The following RBMS3 variants were observed in gnomAD, a reference collection of about 807,000 sequenced individuals.
The protein encoded by RBMS3 is RNA binding motif single stranded interacting protein 3.
Under a neutral mutation model 66.8 loss-of-function variants are expected in RBMS3, and 27 were observed. The ratio of observed to expected loss-of-function variants is 0.40; its 90% confidence interval spans 0.30 to 0.56. RBMS3 has a LOEUF of 0.56. Ranked by LOEUF, RBMS3 falls within the 20% of genes least tolerant of loss-of-function variation. RBMS3 has a pLI of 0.40. For missense variants in RBMS3, 513 were observed against 549.5 expected (o/e 0.93, Z 0.66); for synonymous variants, 188 against 183.0 (o/e 1.03, Z -0.22).
intron 3 of RBMS3, among the ~76,000 whole-genome samples, chr3:29,543,335 T>G (rs1405904282): frequency 6.6e-6 from 1 of 152,016 alleles, no homozygotes; most frequent in African/African-American, 2.4e-5. Flanking sequence ...CAGTTTGGAT[T>G]GTCTTTTAGA....
chr3:29,938,837 G>A (rs2061327691), intron 11 of RBMS3, among the ~76,000 whole-genome samples: 1 of 151,962 alleles, frequency 6.6e-6, no homozygotes, highest in South Asian at 2.1e-4. Context: ...TGTTTAGGCA[G>A]GTTACTTAAC....
chr3:29,449,239 G>A (rs550049742), intron 2 of RBMS3, among the ~76,000 whole-genome samples: 63 of 152,180 alleles, frequency 4.1e-4, no homozygotes, highest in Non-Finnish European at 1.2e-4. Flanking sequence ...AGTACCTTGC[G>A]TAGCAGCTAC....
At chr3:29,939,128 C>T (rs533191408) in intron 11 of RBMS3, among the ~76,000 whole-genome samples, 2 of 152,012 alleles carry the variant, frequency 1.3e-5, no homozygotes, top group Admixed American at 1.3e-4. Flanking sequence ...TTTAACGTCT[C>T]CATTTCTTTG....
At chr3:29,436,439 C>CA (rs991814316) in intron 2 of RBMS3, among the ~76,000 whole-genome samples, 22 of 152,120 alleles carry the variant, frequency 1.4e-4, no homozygotes, top group African/African-American at 5.1e-4. Context: ...TAAATTTGTT[C>CA]AAAAAATGTT....
intron 3 of RBMS3, among the ~76,000 whole-genome samples, chr3:29,563,554 C>A (rs1255531897): frequency 3.3e-5 from 5 of 152,210 alleles, no homozygotes; most frequent in East Asian, 1.9e-4. Flanking sequence ...GCCCATAGTA[C>A]TAATTACACG....
chr3:29,440,185 A>G (rs2041563063), intron 2 of RBMS3, among the ~76,000 whole-genome samples: 1 of 152,242 alleles, frequency 6.6e-6, no homozygotes, highest in African/African-American at 2.4e-5. Context: ...CATAATGGGT[A>G]GCATTTACAA....
intron 14 of RBMS3, among the ~76,000 whole-genome samples, chr3:29,996,324 C>A (rs1173887575): frequency 6.7e-6 from 1 of 150,306 alleles, no homozygotes; most frequent in Non-Finnish European, 1.5e-5. Flanking sequence ...TAATGGGAGA[C>A]TTTAACACCC....
At chr3:29,307,602 G>T (rs866847954) in intron 1 of RBMS3, among the ~76,000 whole-genome samples, 1 of 151,904 alleles carries the variant, frequency 6.6e-6, no homozygotes, top group Non-Finnish European at 1.5e-5. Flanking sequence ...CAAGGTGAAA[G>T]CCTGAGAAGA....
intron 4 of RBMS3, among the ~76,000 whole-genome samples, chr3:29,652,524 G>T (rs1026733572): frequency 6.6e-6 from 1 of 152,040 alleles, no homozygotes; most frequent in Admixed American, 6.6e-5. Flanking sequence ...TAGTGATCTT[G>T]GGGAGGAGTT....
intron 4 of RBMS3, among the ~76,000 whole-genome samples, chr3:29,629,783 A>G (rs1340150044): frequency 6.6e-6 from 1 of 152,096 alleles, no homozygotes; most frequent in Non-Finnish European, 1.5e-5. Flanking sequence ...CTCAGAAACT[A>G]ATTCACAGCT....
chr3:29,599,657 A>G (rs986203936), intron 4 of RBMS3, among the ~76,000 whole-genome samples: 1 of 152,110 alleles, frequency 6.6e-6, no homozygotes, highest in Non-Finnish European at 1.5e-5. Flanking sequence ...ACTAAATTTA[A>G]AAATAAAAAT....
At position 29,988,235 on chromosome 3, in the gene RBMS3, C is replaced by G; in HGVS notation, c.1179+12C>G. The G allele has an allele frequency of 6.3e-7, 1 of 1,583,264 alleles. No individual in the cohort carries two copies. Among genetic ancestry groups the G allele is most frequent in the East Asian group, 2.2e-5 (1 of 44,664 alleles). On this transcript the variant is annotated intron_variant, in intron 13 of 14. Transcript: ENST00000383767. The stretch of plus-strand genomic sequence containing the variant: ...CTGTTTCTATTGAAGTAAGTCTACC[C>G]CTGTCTAATAAAGAGGTTAGAAGAA...
chr3:30,009,437 A>G lies in RBMS3; in HGVS notation c.*5575A>G, dbSNP rs1377406007. On this transcript the variant is annotated 3_prime_UTR_variant, in exon 15 of 15. Coordinates refer to ENST00000383767, the MANE Select transcript of RBMS3 (RefSeq NM_001003793.3). ...ACATTATATGTCATAAATTTTGATT[A>G]TCTATAATGTCTTTTCTTATCTACC... 2 of 152,122 alleles carry G rather than the reference A, an allele frequency of 1.3e-5. No individual in the cohort carries two copies. Among genetic ancestry groups the G allele is most frequent in the African/African-American group, 4.8e-5 (2 of 41,440 alleles). 9.4% of individuals were successfully genotyped at this position (152,122 alleles called of 1,614,324 possible). A position where few individuals can be genotyped will look rare whatever the true frequency, so the allele number is the denominator to read the frequency against.
At chr3:29,526,518 C>T (rs2045110312) in intron 3 of RBMS3, among the ~76,000 whole-genome samples, 1 of 57,250 alleles carries the variant, frequency 1.7e-5, no homozygotes, top group South Asian at 8.5e-4. Flanking sequence ...GAGACTCCAT[C>T]TCAAAAAAAA....
chr3:29,743,744 TA>T (rs1238255344), intron 5 of RBMS3, among the ~76,000 whole-genome samples: 1,623 of 151,316 alleles, frequency 0.011, 28 homozygotes, highest in African/African-American at 0.038. Flanking sequence ...TTTTTTTTTT[TA>T]AATTTTATTA....
intron 1 of RBMS3, among the ~76,000 whole-genome samples, chr3:29,405,295 T>G (rs1306320348): frequency 6.6e-6 from 1 of 152,194 alleles, no homozygotes; most frequent in African/African-American, 2.4e-5. Context: ...TTTACGCTTT[T>G]GAATGCTAAC....
intron 2 of RBMS3, among the ~76,000 whole-genome samples, chr3:29,487,527 C>G (rs2043368226): frequency 6.6e-6 from 1 of 152,048 alleles, no homozygotes. Flanking sequence ...AGAATCTTTA[C>G]CCCCTTCCAC....
intron 1 of RBMS3, among the ~76,000 whole-genome samples, chr3:29,328,582 A>G (rs2035475239): frequency 6.6e-6 from 1 of 152,104 alleles, no homozygotes; most frequent in Non-Finnish European, 1.5e-5. Flanking sequence ...AGGTAAATTT[A>G]TTGGTAGTTA....
chr3:29,578,342 G>A (rs954022995), intron 3 of RBMS3, among the ~76,000 whole-genome samples: 5 of 152,140 alleles, frequency 3.3e-5, no homozygotes, highest in South Asian at 4.2e-4. Context: ...TGTTACTCTC[G>A]ATTGTGCATA....
Sources: allele counts gnomAD v4.1 joint callset (sites outside exome capture counted in the v4.1 genomes callset), GRCh38; gene constraint gnomAD v4.1.1; transcripts MANE v1.5; gene names NCBI Gene and HGNC (gene_info 2026-07-23, HGNC 2026-07-21).